Variants in RIMS2 observed in about 807,000 individuals in gnomAD.
RIMS2 encodes the protein regulating synaptic membrane exocytosis protein 2.
In RIMS2, 59 loss-of-function variants were observed where a neutral mutation model predicts 174.4. That is an observed-to-expected ratio of 0.34 (90% CI 0.27 to 0.42). The LOEUF is 0.42. Among genes scored for constraint, RIMS2 ranks in the 10% least tolerant of loss-of-function variants. RIMS2 has a pLI of 1.00. For missense variants in RIMS2, 1,620 were observed against 1,666.3 expected, an observed-to-expected ratio of 0.97 and a Z score of 0.48; for synonymous variants, 606 against 572.5, an observed-to-expected ratio of 1.06 and a Z score of -0.84.
At chr8:103,588,390 C>G (rs2094080007) in intron 1 of RIMS2, among the ~76,000 whole-genome samples, 1 of 151,886 alleles carries the variant, frequency 6.6e-6, no homozygotes, top group East Asian at 1.9e-4. Context: ...TGGCATTCTT[C>G]ACAGAAATAG....
intron 3 of RIMS2, among the ~76,000 whole-genome samples, chr8:103,845,054 CTT>C (rs1019723619): frequency 1.2e-4 from 18 of 152,026 alleles, no homozygotes; most frequent in African/African-American, 3.4e-4. Context: ...TCTGTCAAGT[CTT>C]TGTTTTTTAA....
chr8:103,869,343 C>A (rs897441935), intron 3 of RIMS2, among the ~76,000 whole-genome samples: 4 of 151,902 alleles, frequency 2.6e-5, no homozygotes, highest in Admixed American at 2.6e-4. Flanking sequence ...TTACAGGCAC[C>A]CACCACCACG....
exon 14 of RIMS2, chr8:103,942,906 G>A (rs780076341): frequency 3.7e-6 from 6 of 1,608,448 alleles, no homozygotes; most frequent in Middle Eastern, 1.7e-4. Context: ...CATGGAGAGA[G>A]CCCAACACGG....
intron 19 of RIMS2, among the ~76,000 whole-genome samples, chr8:104,101,056 T>C (rs1284122727): frequency 1.4e-5 from 2 of 143,846 alleles, no homozygotes; most frequent in African/African-American, 5.1e-5. Flanking sequence ...ATATTACATA[T>C]GTAATATATG....
At chr8:103,862,888 A>G (rs2099065967) in intron 3 of RIMS2, among the ~76,000 whole-genome samples, 1 of 152,102 alleles carries the variant, frequency 6.6e-6, no homozygotes, top group African/African-American at 2.4e-5. Context: ...TATGTGTAAA[A>G]TCATGTCATC....
At chr8:103,732,649 A>T (rs1037657802) in intron 2 of RIMS2, among the ~76,000 whole-genome samples, 18 of 152,178 alleles carry the variant, frequency 1.2e-4, no homozygotes, top group Admixed American at 3.3e-4. Context: ...CTGAGCTTGT[A>T]CCCAAGCTGA....
At chr8:103,614,609 A>T (rs1452762827) in intron 1 of RIMS2, among the ~76,000 whole-genome samples, 1 of 152,252 alleles carries the variant, frequency 6.6e-6, no homozygotes, top group Non-Finnish European at 1.5e-5. Context: ...CTGTTCTGCC[A>T]TCTTGCTCCG....
chr8:103,729,169 AT>A (rs1357529024), intron 2 of RIMS2, among the ~76,000 whole-genome samples: 5 of 152,144 alleles, frequency 3.3e-5, no homozygotes, highest in Admixed American at 6.5e-5. Flanking sequence ...TTCTTTAACT[AT>A]TTGGTAAAAT....
intron 15 of RIMS2, among the ~76,000 whole-genome samples, chr8:103,967,242 A>G (rs2092146607): frequency 7.9e-6 from 1 of 127,016 alleles, no homozygotes; most frequent in African/African-American, 3.1e-5. Context: ...GGAGTGCAAC[A>G]GTGCGATCTT....
intron 16 of RIMS2, among the ~76,000 whole-genome samples, chr8:103,986,719 A>G (rs2094386465): frequency 6.6e-6 from 1 of 152,004 alleles, no homozygotes; most frequent in Non-Finnish European, 1.5e-5. Flanking sequence ...AAAAATACAA[A>G]ACAATTAACC....
chr8:103,581,456 A>ATGTAGAAGGAACATAACTCAAAATAAGT (rs2071100267), intron 1 of RIMS2, among the ~76,000 whole-genome samples: 2 of 152,218 alleles, frequency 1.3e-5, no homozygotes, highest in African/African-American at 4.8e-5. Flanking sequence ...AACACACTGA[A>ATGTAGAAGGAACATAACTCAAAATAAGT]TGTAGAAGGA....
chr8:103,611,425 T>C (rs1179704935), intron 1 of RIMS2, among the ~76,000 whole-genome samples: 1 of 152,198 alleles, frequency 6.6e-6, no homozygotes, highest in Non-Finnish European at 1.5e-5. Flanking sequence ...TGATTTCTTC[T>C]TGCCCATTAA....
intron 19 of RIMS2, among the ~76,000 whole-genome samples, chr8:104,222,620 T>C (rs2099160676): frequency 6.6e-6 from 1 of 152,192 alleles, no homozygotes; most frequent in Non-Finnish European, 1.5e-5. Context: ...TGCTTTAGGT[T>C]CCGGGATAGA....
At chr8:103,871,037 C>T (rs2099108989) in intron 3 of RIMS2, among the ~76,000 whole-genome samples, 1 of 152,202 alleles carries the variant, frequency 6.6e-6, no homozygotes, top group Admixed American at 6.5e-5. Flanking sequence ...TTCTACTTAA[C>T]TATTTTCTGC....
intron 1 of RIMS2, among the ~76,000 whole-genome samples, chr8:103,588,022 G>A (rs1298401970): frequency 6.6e-6 from 1 of 151,876 alleles, no homozygotes; most frequent in Non-Finnish European, 1.5e-5. Flanking sequence ...GACTCCACAA[G>A]ACGACTATTA....
chr8:104,223,897 C>A (rs2099169225), intron 19 of RIMS2: 1 of 888,066 alleles, frequency 1.1e-6, no homozygotes, highest in Non-Finnish European at 1.7e-6. Context: ...AGTGTCCCAG[C>A]CCCTCTGCTC....
chr8:103,580,104 T>C (rs28869329), intron 1 of RIMS2, among the ~76,000 whole-genome samples: 27,673 of 151,816 alleles, frequency 0.18, 2,765 homozygotes, highest in African/African-American at 0.26. Flanking sequence ...TATCAACCAC[T>C]AAAGGACACA....
intron 2 of RIMS2, among the ~76,000 whole-genome samples, chr8:103,755,675 G>T (rs1265467972): frequency 6.6e-6 from 1 of 151,796 alleles, no homozygotes; most frequent in Admixed American, 6.6e-5. Context: ...TCATTGAGTT[G>T]ATCTTCAATC....
intron 1 of RIMS2, among the ~76,000 whole-genome samples, chr8:103,586,247 A>T (rs888865564): frequency 6.6e-6 from 1 of 152,196 alleles, no homozygotes; most frequent in Non-Finnish European, 1.5e-5. Flanking sequence ...GATCAAATGG[A>T]TCTAATATTT....
Sources: gnomAD v4.1 joint callset for allele counts (sites outside exome capture counted in the v4.1 genomes callset) on GRCh38, gnomAD v4.1.1 for gene constraint, MANE v1.5 for transcripts, NCBI Gene and HGNC (gene_info 2026-07-23, HGNC 2026-07-21) for gene names.